The following GRM7 variants were observed in gnomAD, a reference collection of about 807,000 sequenced individuals.
GRM7 encodes metabotropic glutamate receptor 7.
Under a neutral mutation model 84.5 loss-of-function variants are expected in GRM7, and 35 were observed. The observed-to-expected ratio is 0.41, with a 90% CI of 0.32 to 0.55. The LOEUF (loss-of-function observed/expected upper bound fraction) is 0.55. Ranked by LOEUF, GRM7 falls within the 20% of genes least tolerant of loss-of-function variation. The pLI is 0.19. For synonymous variants in GRM7, 487 were observed against 455.1 expected (o/e 1.07, Z -0.89); for missense variants, 1,003 against 1,194.6 (o/e 0.84, Z 2.36).
At chr3:7,393,884 T>C (rs1269251957) in intron 4 of GRM7, among the ~76,000 whole-genome samples, 1 of 152,202 alleles carries the variant, frequency 6.6e-6, no homozygotes, top group Non-Finnish European at 1.5e-5. Flanking sequence ...GTGGTCCATG[T>C]AGAGACTTCC....
chr3:7,433,861 C>T (rs542413914), intron 5 of GRM7, among the ~76,000 whole-genome samples: 1 of 152,142 alleles, frequency 6.6e-6, no homozygotes, highest in African/African-American at 2.4e-5. Flanking sequence ...TTCTTTAGTA[C>T]ACACCCAAAT....
chr3:7,680,376 G>C (rs993792718), intron 9 of GRM7, 81 bp downstream of exon 9: 2 of 1,411,112 alleles, frequency 1.4e-6, no homozygotes, highest in African/African-American at 2.8e-5. Context: ...TGCCTCTCTG[G>C]AGAAATACTG....
chr3:7,650,287 T>A (rs144173213), intron 8 of GRM7, among the ~76,000 whole-genome samples: 1 of 152,332 alleles, frequency 6.6e-6, no homozygotes, highest in African/African-American at 2.4e-5. Flanking sequence ...TAGCCTTGAA[T>A]GAGGATGTAA....
intron 8 of GRM7, among the ~76,000 whole-genome samples, chr3:7,649,938 G>C (rs992940084): frequency 6.6e-6 from 1 of 152,034 alleles, no homozygotes; most frequent in African/African-American, 2.4e-5. Context: ...ATAATAGATT[G>C]TTATTTTTAT....
At chr3:7,147,616 T>C (rs754725859) in intron 2 of GRM7, among the ~76,000 whole-genome samples, 29 of 152,150 alleles carry the variant, frequency 1.9e-4, no homozygotes, top group Non-Finnish European at 3.5e-4. Flanking sequence ...TATTTGACGG[T>C]CAGACTACAG....
chr3:6,990,485 A>T (rs1056461151), intron 1 of GRM7, among the ~76,000 whole-genome samples: 2 of 152,194 alleles, frequency 1.3e-5, no homozygotes, highest in Non-Finnish European at 2.9e-5. Context: ...TTAGCAAATC[A>T]TCAGGCATCC....
intron 1 of GRM7, among the ~76,000 whole-genome samples, chr3:6,890,249 T>G (rs1478718895): frequency 1.3e-5 from 2 of 152,306 alleles, no homozygotes; most frequent in Non-Finnish European, 2.9e-5. Context: ...TGCTCTGATT[T>G]TAGTTATTCC....
chr3:7,555,870 C>T (rs1693730653), intron 7 of GRM7, among the ~76,000 whole-genome samples: 1 of 152,160 alleles, frequency 6.6e-6, no homozygotes, highest in Admixed American at 6.5e-5. Flanking sequence ...ACCATATCTA[C>T]TTACTTAAAA....
At chr3:7,645,372 C>A (rs979215850) in intron 8 of GRM7, among the ~76,000 whole-genome samples, 2 of 151,328 alleles carry the variant, frequency 1.3e-5, no homozygotes, top group African/African-American at 4.9e-5. Context: ...CATGGTGAAA[C>A]CCCGTCACTA....
intron 1 of GRM7, among the ~76,000 whole-genome samples, chr3:6,975,089 T>C (rs1693938246): frequency 6.6e-6 from 1 of 151,948 alleles, no homozygotes; most frequent in Non-Finnish European, 1.5e-5. Context: ...GGAGCAAGGG[T>C]AGAACATCTG....
chr3:7,488,858 CTTATTTAT>C (rs3065639), intron 7 of GRM7, among the ~76,000 whole-genome samples: 1,902 of 147,574 alleles, frequency 0.013, 31 homozygotes, highest in African/African-American at 0.041. Flanking sequence ...CTAGTAAGGT[CTTATTTAT>C]TTATTTATTT....
rs112017207 is a variant in GRM7, at chr3:7,565,561, T to G, written c.1516-12861T>G. 7.7e-4 allele frequency among the ~76,000 whole-genome samples: 117 copies of G among 152,228 alleles called. 1 individual carries two copies. The Middle Eastern group carries it at 0.01, about 13-fold the overall frequency. On this transcript the variant is annotated intron_variant, in intron 7 of 9. Transcript: ENST00000357716. ...GAAAGCCACTGTGGGCCAGGAAACTTCATAGAATTCAGATAAATCCAGGAG... is the reference window on the plus strand; with the variant it reads ...GAAAGCCACTGTGGGCCAGGAAACTGCATAGAATTCAGATAAATCCAGGAG...
At chr3:6,917,380 A>T (rs962076038) in intron 1 of GRM7, among the ~76,000 whole-genome samples, 1 of 152,010 alleles carries the variant, frequency 6.6e-6, no homozygotes, top group African/African-American at 2.4e-5. Flanking sequence ...TAAAATTTAG[A>T]TGGGGAGACA....
At chr3:7,309,407 A>C (rs1387439449) in intron 4 of GRM7, among the ~76,000 whole-genome samples, 1 of 152,086 alleles carries the variant, frequency 6.6e-6, no homozygotes, top group Non-Finnish European at 1.5e-5. Context: ...GTTTCCTTTT[A>C]TCTTTTTCCT....
intron 8 of GRM7, among the ~76,000 whole-genome samples, chr3:7,659,622 A>T (rs888330576): frequency 6.6e-6 from 1 of 152,200 alleles, no homozygotes; most frequent in African/African-American, 2.4e-5. Flanking sequence ...CCATTATGTA[A>T]GTGAGACATC....
At chr3:6,929,517 G>A (rs1697423842) in intron 1 of GRM7, among the ~76,000 whole-genome samples, 1 of 151,868 alleles carries the variant, frequency 6.6e-6, no homozygotes. Flanking sequence ...CAGTAGGTAT[G>A]CTGTCTTTTT....
intron 1 of GRM7, among the ~76,000 whole-genome samples, chr3:6,932,740 C>T (rs339019): frequency 0.3 from 41,572 of 138,542 alleles, 6,388 homozygotes; most frequent in South Asian, 0.38. Context: ...TTAATGTTTT[C>T]TTCTTTCTCT....
At chr3:7,326,619 G>A (rs958647497) in intron 4 of GRM7, among the ~76,000 whole-genome samples, 1 of 151,980 alleles carries the variant, frequency 6.6e-6, no homozygotes, top group Non-Finnish European at 1.5e-5. Flanking sequence ...GGGCCGAGGC[G>A]GGTGGATCAT....
intron 4 of GRM7, among the ~76,000 whole-genome samples, chr3:7,343,264 C>T (rs779008018): frequency 6.6e-6 from 1 of 152,084 alleles, no homozygotes. Flanking sequence ...GACAGTGTCT[C>T]ACTCTGTTGC....
Sources: gnomAD v4.1 joint callset for allele counts (sites outside exome capture counted in the v4.1 genomes callset) on GRCh38, gnomAD v4.1.1 for gene constraint, MANE v1.5 for transcripts, NCBI Gene and HGNC (gene_info 2026-07-23, HGNC 2026-07-21) for gene names.